Variants in NUDCD1 observed in about 807,000 individuals in gnomAD.
NUDCD1 encodes the protein NudC domain containing 1, also known as nudC domain-containing protein 1.
Under a neutral mutation model 67.8 loss-of-function variants are expected in NUDCD1, and 60 were observed. That is an observed-to-expected ratio of 0.88 (90% confidence interval 0.72 to 1.10). NUDCD1 has a LOEUF of 1.10. Ranked by LOEUF, NUDCD1 falls within the 50% of genes least tolerant of loss-of-function variation. The probability of loss-of-function intolerance (pLI) is 0.00; values close to 1 mark genes in which losing one functional copy is unlikely to be tolerated. For synonymous variants in NUDCD1, 244 were observed against 230.8 expected, an observed-to-expected ratio of 1.06 and a Z score of -0.52; for missense variants, 643 against 695.0, an observed-to-expected ratio of 0.93 and a Z score of 0.84.
intron 8 of NUDCD1, among the ~76,000 whole-genome samples, chr8:109,266,658 C>G (rs2129934622): frequency 6.6e-6 from 1 of 152,166 alleles, no homozygotes; most frequent in East Asian, 1.9e-4. Flanking sequence ...CAATAGTCAC[C>G]ATATGGCCAG....
chr8:109,281,705 C>T (rs930334731), intron 5 of NUDCD1, among the ~76,000 whole-genome samples: 1 of 152,186 alleles, frequency 6.6e-6, no homozygotes, highest in Non-Finnish European at 1.5e-5. Flanking sequence ...CACAGTGCAG[C>T]CAGGCCCTAT....
intron 3 of NUDCD1, among the ~76,000 whole-genome samples, chr8:109,295,394 A>C (rs1329049358): frequency 1.3e-5 from 2 of 152,194 alleles, no homozygotes; most frequent in African/African-American, 4.8e-5. Flanking sequence ...CTAAAGGCCA[A>C]AACAGAAATT....
At chr8:109,249,287 ATT>A (rs905834032) in intron 8 of NUDCD1, among the ~76,000 whole-genome samples, 1 of 152,196 alleles carries the variant, frequency 6.6e-6, no homozygotes, top group Non-Finnish European at 1.5e-5. Context: ...TTCTTAAAAC[ATT>A]TTGTTTTGTA....
intron 8 of NUDCD1, among the ~76,000 whole-genome samples, chr8:109,270,090 A>AGGGGGGGGG (rs1563665962): frequency 2.5e-3 from 19 of 7,602 alleles, no homozygotes; most frequent in African/African-American, 5.6e-3. Context: ...GGGTGCCTTA[A>AGGGGGGGGG]GGTGGGGTGT....
At chr8:109,300,270 A>G (rs1814954051) in intron 2 of NUDCD1, among the ~76,000 whole-genome samples, 1 of 152,176 alleles carries the variant, frequency 6.6e-6, no homozygotes, top group Admixed American at 6.5e-5. Flanking sequence ...TTTACCTGAA[A>G]AAGAATTCAG....
At chr8:109,320,740 C>A (rs1443278896) in intron 2 of NUDCD1, among the ~76,000 whole-genome samples, 2 of 152,172 alleles carry the variant, frequency 1.3e-5, no homozygotes, top group East Asian at 1.9e-4. Flanking sequence ...TAAAGACAGG[C>A]ATAAGAAATT....
chr8:109,329,638 A>C (rs1318484902), intron 1 of NUDCD1, among the ~76,000 whole-genome samples: 3 of 152,150 alleles, frequency 2.0e-5, no homozygotes, highest in Admixed American at 2.0e-4. Flanking sequence ...GTACAAGGAA[A>C]CTTTGGGAAT....
At chr8:109,325,923 T>TA (rs1815671637) in intron 1 of NUDCD1, among the ~76,000 whole-genome samples, 1 of 152,192 alleles carries the variant, frequency 6.6e-6, no homozygotes, top group African/African-American at 2.4e-5. Context: ...ATCTCACAGG[T>TA]AAAAATCCAA....
At chr8:109,302,144 C>A (rs936486634) in intron 2 of NUDCD1, among the ~76,000 whole-genome samples, 3 of 152,200 alleles carry the variant, frequency 2.0e-5, no homozygotes, top group Non-Finnish European at 2.9e-5. Flanking sequence ...TCAACTCACA[C>A]CTGACCTGAA....
At chr8:109,303,561 T>G (rs1815037569) in intron 2 of NUDCD1, among the ~76,000 whole-genome samples, 1 of 152,146 alleles carries the variant, frequency 6.6e-6, no homozygotes, top group Non-Finnish European at 1.5e-5. Context: ...CCCCGCTCCC[T>G]TATTAGGTTG....
chr8:109,249,825 A>C (rs1813581289), intron 8 of NUDCD1, among the ~76,000 whole-genome samples: 1 of 151,298 alleles, frequency 6.6e-6, no homozygotes, highest in Non-Finnish European at 1.5e-5. Context: ...AAAAAATGAG[A>C]TATATAAAGA....
chr8:109,324,203 C>CAA (rs969505000), intron 1 of NUDCD1, among the ~76,000 whole-genome samples: 4 of 119,280 alleles, frequency 3.4e-5, no homozygotes, highest in African/African-American at 1.2e-4. Context: ...GCTGTTGAAG[C>CAA]AAAAAAAAAA....
intron 2 of NUDCD1, among the ~76,000 whole-genome samples, chr8:109,297,613 A>G (rs1010382181): frequency 1.3e-5 from 2 of 152,164 alleles, no homozygotes; most frequent in Non-Finnish European, 2.9e-5. Context: ...AGAAGCAGAG[A>G]CTGAACCCTT....
chr8:109,258,948 C>T (rs1043872631), intron 8 of NUDCD1, among the ~76,000 whole-genome samples: 1 of 152,068 alleles, frequency 6.6e-6, no homozygotes, highest in African/African-American at 2.4e-5. Flanking sequence ...CTCACAATCC[C>T]GAAAGAAACT....
At chr8:109,269,066 G>A (rs1345791906) in intron 8 of NUDCD1, among the ~76,000 whole-genome samples, 1 of 152,142 alleles carries the variant, frequency 6.6e-6, no homozygotes, top group African/African-American at 2.4e-5. Context: ...CATTTCTTGA[G>A]ATCCAAGATG....
chr8:109,328,892 A>C (rs1815742313), intron 1 of NUDCD1, among the ~76,000 whole-genome samples: 1 of 152,224 alleles, frequency 6.6e-6, no homozygotes, highest in Non-Finnish European at 1.5e-5. Context: ...AAAGAAAACA[A>C]AATCCATAAT....
chr8:109,330,945 A>C (rs957742491), intron 1 of NUDCD1, among the ~76,000 whole-genome samples: 6 of 152,096 alleles, frequency 3.9e-5, no homozygotes, highest in African/African-American at 4.8e-5. Context: ...TGCTGGGCTT[A>C]ATACCTAGGT....
chr8:109,311,995 G>A (rs749719370), intron 2 of NUDCD1, among the ~76,000 whole-genome samples: 3 of 151,788 alleles, frequency 2.0e-5, no homozygotes, highest in East Asian at 1.9e-4. Context: ...ATATTTGAAC[G>A]GGACAACTAT....
intron 6 of NUDCD1, among the ~76,000 whole-genome samples, chr8:109,278,695 T>C (rs1814356893): frequency 6.6e-6 from 1 of 152,222 alleles, no homozygotes; most frequent in Admixed American, 6.5e-5. Flanking sequence ...CCACATGTTT[T>C]TAATTCATTC....
Sources: allele counts gnomAD v4.1 joint callset (sites outside exome capture counted in the v4.1 genomes callset), GRCh38; gene constraint gnomAD v4.1.1; transcripts MANE v1.5; gene names NCBI Gene and HGNC (gene_info 2026-07-23, HGNC 2026-07-21).